Variants in FHIT observed in about 807,000 individuals in gnomAD.
FHIT encodes bis(5'-adenosyl)-triphosphatase.
Under a neutral mutation model 17.9 loss-of-function variants are expected in FHIT, and 19 were observed. The ratio of observed to expected loss-of-function variants is 1.06; its 90% CI spans 0.74 to 1.56. The LOEUF is 1.56. Among genes scored for constraint, FHIT ranks in the 40% most tolerant of loss-of-function variants. FHIT has a pLI of 0.00. For synonymous variants in FHIT, 81 were observed against 69.7 expected (o/e 1.16, Z -0.81); for missense variants, 248 against 189.2 (o/e 1.31, Z -1.82).
chr3:60,015,336 G>T (rs942009963), intron 5 of FHIT, among the ~76,000 whole-genome samples: 6 of 152,108 alleles, frequency 3.9e-5, no homozygotes, highest in South Asian at 2.1e-4. Flanking sequence ...CTCATAATCA[G>T]GAAATTCATG....
chr3:60,951,876 C>T (rs535974713), intron 3 of FHIT, among the ~76,000 whole-genome samples: 1 of 152,152 alleles, frequency 6.6e-6, no homozygotes, highest in Admixed American at 6.5e-5. Flanking sequence ...GAAAGGATTC[C>T]ACTTTTTGGC....
chr3:60,162,743 C>A (rs1190442231), intron 5 of FHIT, among the ~76,000 whole-genome samples: 1 of 152,164 alleles, frequency 6.6e-6, no homozygotes, highest in Non-Finnish European at 1.5e-5. Flanking sequence ...TCAGAGCCAA[C>A]ATTTTTTAGT....
intron 4 of FHIT, among the ~76,000 whole-genome samples, chr3:60,672,068 G>C (rs1294659276): frequency 3.3e-5 from 5 of 152,098 alleles, no homozygotes; most frequent in African/African-American, 1.2e-4. Context: ...AATTGATGTA[G>C]CCACATTGGC....
intron 5 of FHIT, among the ~76,000 whole-genome samples, chr3:60,494,863 A>C (rs181318416): frequency 4.1e-4 from 63 of 152,244 alleles, no homozygotes; most frequent in African/African-American, 1.4e-3. Context: ...ACATTTTTTA[A>C]ATCCATTCCT....
At chr3:60,890,062 A>T (rs953863570) in intron 3 of FHIT, among the ~76,000 whole-genome samples, 1 of 152,108 alleles carries the variant, frequency 6.6e-6, no homozygotes, top group East Asian at 1.9e-4. Flanking sequence ...CAGTAAAACT[A>T]TTTTTAATAA....
rs9880965 is a variant in FHIT, at chr3:60,858,927, T to C, written c.-110-36916A>G. Among the ~76,000 whole-genome samples the C allele has an allele frequency of 5.8e-3, 885 of 152,264 alleles. 9 individuals are homozygous for C. Among genetic ancestry groups the C allele is most frequent in the Middle Eastern group, 0.024 (7 of 292 alleles). On this transcript the variant is annotated intron_variant, in intron 3 of 9. Coordinates refer to ENST00000492590, the MANE Select transcript of FHIT (RefSeq NM_002012.4). Reference sequence around the variant, plus strand: ...CAGGATGATTTAAAAAGCACCATGATAGTGTTCCCCCAGGACATTCATCTC... The same window carrying C: ...CAGGATGATTTAAAAAGCACCATGACAGTGTTCCCCCAGGACATTCATCTC...
At chr3:60,147,102 C>T (rs1254374578) in intron 5 of FHIT, among the ~76,000 whole-genome samples, 3 of 152,026 alleles carry the variant, frequency 2.0e-5, no homozygotes, top group African/African-American at 7.2e-5. Context: ...GGATTTTCCA[C>T]CAGAGAAAGC....
intron 2 of FHIT, among the ~76,000 whole-genome samples, chr3:61,156,297 CT>C (rs2037531775): frequency 6.6e-6 from 1 of 152,084 alleles, no homozygotes; most frequent in African/African-American, 2.4e-5. Flanking sequence ...CTTGGAACCC[CT>C]AACTCATATA....
intron 2 of FHIT, among the ~76,000 whole-genome samples, chr3:61,121,535 T>C (rs948131649): frequency 6.6e-6 from 1 of 152,082 alleles, no homozygotes; most frequent in African/African-American, 2.4e-5. Context: ...GACAAGCAAA[T>C]GCTGAGAAAT....
Position 60,057,324 on chromosome 3 carries a change from G to A in FHIT, c.104-43172C>T, listed in dbSNP as rs115644900. ...GGAATACTAGTAAAATCTGGAATGTGAACCCTGCCTGGTCTGTTGCTTCAG... is the reference window on the plus strand; with the variant it reads ...GGAATACTAGTAAAATCTGGAATGTAAACCCTGCCTGGTCTGTTGCTTCAG... On this transcript the variant is annotated intron_variant, in intron 5 of 9. Coordinates refer to ENST00000492590, the MANE Select transcript of FHIT (RefSeq NM_002012.4). Among the ~76,000 whole-genome samples the A allele has an allele frequency of 9.9e-3, 1,505 of 152,244 alleles. 29 individuals are homozygous for A. The highest frequency in any genetic ancestry group is 0.033 in the African/African-American group (1,358 of 41,562).
At chr3:59,862,025 A>G (rs1378169031) in intron 8 of FHIT, among the ~76,000 whole-genome samples, 1 of 151,416 alleles carries the variant, frequency 6.6e-6, no homozygotes, top group Non-Finnish European at 1.5e-5. Flanking sequence ...AAAAAAAAAA[A>G]CCTGTAACTG....
At chr3:60,273,066 T>C (rs1706947440) in intron 5 of FHIT, among the ~76,000 whole-genome samples, 1 of 152,198 alleles carries the variant, frequency 6.6e-6, no homozygotes, top group African/African-American at 2.4e-5. Context: ...CCTGGTTTCT[T>C]ACAACATTAG....
chr3:60,718,448 G>A (rs2041736533), intron 4 of FHIT, among the ~76,000 whole-genome samples: 1 of 152,138 alleles, frequency 6.6e-6, no homozygotes, highest in Non-Finnish European at 1.5e-5. Flanking sequence ...AGGAAAACAT[G>A]TAGATAAATC....
At chr3:60,559,974 C>G (rs747986121) in intron 4 of FHIT, among the ~76,000 whole-genome samples, 2 of 152,034 alleles carry the variant, frequency 1.3e-5, no homozygotes, top group Non-Finnish European at 2.9e-5. Context: ...AAGGCCAGAG[C>G]CCTAAGTTTA....
At chr3:60,965,597 T>C (rs1278622536) in intron 3 of FHIT, among the ~76,000 whole-genome samples, 1 of 152,222 alleles carries the variant, frequency 6.6e-6, no homozygotes, top group African/African-American at 2.4e-5. Context: ...TTGATGATGG[T>C]GACGTACACA....
intron 5 of FHIT, among the ~76,000 whole-genome samples, chr3:60,180,484 A>T (rs979695657): frequency 1.3e-5 from 2 of 152,218 alleles, no homozygotes; most frequent in African/African-American, 4.8e-5. Flanking sequence ...TCATGGAGAC[A>T]AAATCGAGCA....
At chr3:60,860,969 C>T (rs1476388587) in intron 3 of FHIT, among the ~76,000 whole-genome samples, 2 of 98,716 alleles carry the variant, frequency 2.0e-5, no homozygotes, top group Non-Finnish European at 4.3e-5. Flanking sequence ...ACGTATATAT[C>T]ATGTATATAT....
At chr3:60,354,518 A>T (rs1396687298) in intron 5 of FHIT, among the ~76,000 whole-genome samples, 1 of 152,168 alleles carries the variant, frequency 6.6e-6, no homozygotes, top group Non-Finnish European at 1.5e-5. Flanking sequence ...AGTTATCAGA[A>T]CAAGAATTCA....
chr3:59,978,591 C>G (rs1435296037), intron 7 of FHIT, among the ~76,000 whole-genome samples: 1 of 151,582 alleles, frequency 6.6e-6, no homozygotes, highest in Non-Finnish European at 1.5e-5. Context: ...ACAACCCATA[C>G]AAGTATCTAA....
Sources: allele counts gnomAD v4.1 joint callset (sites outside exome capture counted in the v4.1 genomes callset), GRCh38; gene constraint gnomAD v4.1.1; transcripts MANE v1.5; gene names NCBI Gene and HGNC (gene_info 2026-07-23, HGNC 2026-07-21).